The following SMG6 variants were observed in gnomAD, a reference collection of about 807,000 sequenced individuals.
SMG6 encodes the protein SMG6 nonsense mediated mRNA decay factor.
SMG6 carries 66 observed loss-of-function variants against 142.2 expected under a neutral mutation model. The ratio of observed to expected loss-of-function variants is 0.46; its 90% CI spans 0.38 to 0.57. SMG6 has a LOEUF of 0.57. Among genes scored for constraint, SMG6 ranks in the 20% least tolerant of loss-of-function variants. The pLI is 0.00. For synonymous variants in SMG6, 779 were observed against 702.4 expected, an observed-to-expected ratio of 1.11 and a Z score of -1.72; for missense variants, 1,793 against 1,832.0, an observed-to-expected ratio of 0.98 and a Z score of 0.39.
chr17:2,258,400 A>G (rs2074240145), intron 8 of SMG6, among the ~76,000 whole-genome samples: 1 of 151,960 alleles, frequency 6.6e-6, no homozygotes, highest in Non-Finnish European at 1.5e-5. Flanking sequence ...TACTAAAATC[A>G]CAAAAAAATT....
intron 17 of SMG6, 105 bp from the exon 18 acceptor site, chr17:2,065,259 C>A: frequency 9.4e-7 from 1 of 1,065,084 alleles, no homozygotes. Flanking sequence ...GGCCACCTCC[C>A]CGATCCCTCC....
chr17:2,231,139 G>T (rs1403914820), intron 10 of SMG6, among the ~76,000 whole-genome samples: 1 of 152,140 alleles, frequency 6.6e-6, no homozygotes, highest in Non-Finnish European at 1.5e-5. Context: ...CGACAGAAGT[G>T]AATCACCACA....
chr17:2,211,196 TAAC>T (rs1286242296), intron 10 of SMG6, among the ~76,000 whole-genome samples: 6 of 151,142 alleles, frequency 4.0e-5, no homozygotes, highest in Non-Finnish European at 8.8e-5. Context: ...AAAAAGAAGT[TAAC>T]AATCATAAAA....
chr17:2,299,277 G>C lies in SMG6; in HGVS notation c.1476C>G (p.Arg492=), dbSNP rs1389304772. The stretch of plus-strand genomic sequence containing the variant: ...ACTTATAGTAAGATGCCTGAGCCTG[G>C]CGTGAGTCACCCCAAGATGTAGGGC... ...EVSPTSWGDS[R]QAQASYYKFQ... Residue 492 remains arginine (R), a synonymous_variant, in exon 2 of 19, where the codon CGC becomes CGG. Transcript: ENST00000263073. This position sits in a 1 kb window ranked among gnomAD's most constrained non-coding sequence, Gnocchi z 4.3. 2 of 1,614,094 alleles carry C rather than the reference G, an allele frequency of 1.2e-6. No individual in the cohort carries two copies. Among genetic ancestry groups the C allele is most frequent in the Non-Finnish European group, 1.7e-6 (2 of 1,180,032 alleles).
chr17:2,301,787 C>A (rs1489505403), intron 1 of SMG6, among the ~76,000 whole-genome samples: 7 of 152,154 alleles, frequency 4.6e-5, no homozygotes, highest in Non-Finnish European at 7.4e-5. Context: ...GCTTGCAGTA[C>A]GCGGAGATCG....
At chr17:2,281,918 A>G (rs1177253419) in intron 8 of SMG6, among the ~76,000 whole-genome samples, 1 of 152,060 alleles carries the variant, frequency 6.6e-6, no homozygotes, top group Non-Finnish European at 1.5e-5. Flanking sequence ...TTCCTTCTCA[A>G]GCTAACTCCT....
intron 13 of SMG6, among the ~76,000 whole-genome samples, chr17:2,118,798 A>C (rs2069588679): frequency 6.6e-6 from 1 of 151,958 alleles, no homozygotes; most frequent in Non-Finnish European, 1.5e-5. Flanking sequence ...TATGTTGTCC[A>C]AGCTGGTCTC....
chr17:2,224,949 A>C (rs1175422034), intron 10 of SMG6, among the ~76,000 whole-genome samples: 1 of 152,236 alleles, frequency 6.6e-6, no homozygotes, highest in South Asian at 2.1e-4. Flanking sequence ...GAAAGCCCAA[A>C]GATGTAGTAA....
chr17:2,128,817 CAAA>C (rs367580981), intron 13 of SMG6, among the ~76,000 whole-genome samples: 1 of 73,072 alleles, frequency 1.4e-5, no homozygotes. Flanking sequence ...GAGCAAGACT[CAAA>C]AAAAAAAAAA....
chr17:2,221,617 A>G (rs1361251685), intron 10 of SMG6, among the ~76,000 whole-genome samples: 1 of 152,262 alleles, frequency 6.6e-6, no homozygotes, highest in East Asian at 1.9e-4. Flanking sequence ...GCATTTGGAA[A>G]TTATGCTTTC....
intron 13 of SMG6, among the ~76,000 whole-genome samples, chr17:2,160,666 C>T (rs1567647510): frequency 6.6e-6 from 1 of 151,988 alleles, no homozygotes; most frequent in Admixed American, 6.6e-5. Context: ...CCCGTTTCCA[C>T]AAAAAATTTA....
At position 2,301,219 on chromosome 17, in the gene SMG6, G is replaced by C. The variant is rs576434824; in HGVS notation, c.89-555C>G. On this transcript the variant is annotated intron_variant, in intron 1 of 18. Coordinates refer to ENST00000263073, the MANE Select transcript of SMG6 (RefSeq NM_017575.5). ...TCTGGAGAAAAAAAATGCAACTTTA[G>C]TCTTTAAACTTGACCAGGATGATTC... Among the ~76,000 whole-genome samples, 163 of 152,298 alleles carry C rather than the reference G, an allele frequency of 1.1e-3. 1 individual carries two copies. The highest frequency in any genetic ancestry group is 1.0e-4 in the Non-Finnish European group (7 of 68,030).
chr17:2,089,152 G>A (rs1025399246), intron 13 of SMG6, among the ~76,000 whole-genome samples: 4 of 152,164 alleles, frequency 2.6e-5, no homozygotes, highest in African/African-American at 4.8e-5. Context: ...CATCCCCACA[G>A]TTAACTCTGC....
rs1310133094 is a variant in SMG6, at chr17:2,071,694, G to C, written c.3682-2763C>G. Among the ~76,000 whole-genome samples, 2 of 152,008 alleles carry C rather than the reference G, an allele frequency of 1.3e-5. No homozygotes were observed. The highest frequency in any genetic ancestry group is 2.9e-5 in the Non-Finnish European group (2 of 68,014). The stretch of plus-strand genomic sequence containing the variant: ...GCCCTCATGGAGTCTCAGGAGATGA[G>C]ATGAAGCTGCTCCCTTTTCTCCTGG... On this transcript the variant is annotated intron_variant, in intron 15 of 18. Transcript: ENST00000263073. The surrounding 1 kb of genome is among the most constrained non-coding windows in gnomAD (Gnocchi z 5.6).
intron 17 of SMG6, 129 bp downstream of exon 17, chr17:2,065,339 C>T (rs1000387840): frequency 3.9e-6 from 4 of 1,017,240 alleles, no homozygotes; most frequent in Admixed American, 4.2e-5. Flanking sequence ...AAGGAACTCC[C>T]CCACCTGGGC....
At chr17:2,167,581 A>T (rs1476113181) in intron 13 of SMG6, among the ~76,000 whole-genome samples, 1 of 152,112 alleles carries the variant, frequency 6.6e-6, no homozygotes, top group Non-Finnish European at 1.5e-5. Context: ...AAACTCAAGA[A>T]CTCTTCAAAT....
chr17:2,113,269 T>C (rs1186234121), intron 13 of SMG6, among the ~76,000 whole-genome samples: 1 of 151,852 alleles, frequency 6.6e-6, no homozygotes, highest in Non-Finnish European at 1.5e-5. Context: ...TTTGTAGAGA[T>C]AGGGCCTATT....
intron 6 of SMG6, among the ~76,000 whole-genome samples, chr17:2,287,000 T>G (rs2074921890): frequency 6.7e-6 from 1 of 149,884 alleles, no homozygotes; most frequent in Non-Finnish European, 1.5e-5. Context: ...GGCGTGATCT[T>G]GGCTCACTGC....
chr17:2,131,550 G>A (rs1182417628), intron 13 of SMG6, among the ~76,000 whole-genome samples: 2 of 151,996 alleles, frequency 1.3e-5, no homozygotes, highest in East Asian at 1.9e-4. Context: ...TGCTCACCTC[G>A]GTCTCCCAAA....
Sources: gnomAD v4.1 joint callset for allele counts (sites outside exome capture counted in the v4.1 genomes callset) on GRCh38, gnomAD v4.1.1 for gene constraint, Gnocchi (gnomAD v3.1) non-coding constraint, MANE v1.5 for transcripts, NCBI Gene and HGNC (gene_info 2026-07-23, HGNC 2026-07-21) for gene names.